Variants in MRS2 observed in about 807,000 individuals in gnomAD.
MRS2 encodes magnesium transporter MRS2 homolog, mitochondrial.
Under a neutral mutation model 52.6 loss-of-function variants are expected in MRS2, and 40 were observed. The ratio of observed to expected loss-of-function variants is 0.76; its 90% CI spans 0.59 to 0.99. The LOEUF is 0.99. MRS2 is among the 50% of genes least tolerant of loss of function. The probability of loss-of-function intolerance (pLI) is 0.00; values close to 1 mark genes in which losing one functional copy is unlikely to be tolerated. For missense variants in MRS2, 472 were observed against 532.7 expected (o/e 0.89, Z 1.12); for synonymous variants, 193 against 195.9 (o/e 0.98, Z 0.13).
chr6:24,421,843 T>C (rs978148913), intron 9 of MRS2, among the ~76,000 whole-genome samples: 2 of 152,104 alleles, frequency 1.3e-5, no homozygotes, highest in Non-Finnish European at 2.9e-5. Flanking sequence ...ACAAAGAAAA[T>C]CTTAGATCAC....
At chr6:24,416,622 A>T (rs1006604002) in intron 7 of MRS2, 109 bp downstream of exon 7, 5 of 715,740 alleles carry the variant, frequency 7.0e-6, no homozygotes, top group Non-Finnish European at 1.2e-5. Flanking sequence ...TGGACTACAG[A>T]ATATAGAGAT....
intron 5 of MRS2, among the ~76,000 whole-genome samples, chr6:24,413,057 C>T (rs908628073): frequency 6.6e-6 from 1 of 152,044 alleles, no homozygotes; most frequent in African/African-American, 2.4e-5. Flanking sequence ...ACACTTCCTG[C>T]TTGGGGTAAT....
At chr6:24,414,971 C>A in intron 5 of MRS2, 62 bp from the exon 6 acceptor site, 1 of 1,412,160 alleles carries the variant, frequency 7.1e-7, no homozygotes, top group Non-Finnish European at 9.6e-7. Context: ...AGAGGATTCA[C>A]TGATCCTGAA....
chr6:24,407,307 G>T (rs1363779984), intron 2 of MRS2, among the ~76,000 whole-genome samples: 1 of 152,072 alleles, frequency 6.6e-6, no homozygotes, highest in Non-Finnish European at 1.5e-5. Context: ...TTCCTTTAAT[G>T]TTCTATGGAA....
Position 24,423,661 on chromosome 6 carries a change from T to G in MRS2, c.1299T>G (p.Leu433=). The G allele has an allele frequency of 1.9e-6, 3 of 1,612,146 alleles. No homozygotes were observed. Among genetic ancestry groups the G allele is most frequent in the Non-Finnish European group, 2.5e-6 (3 of 1,178,474 alleles). The change falls in exon 11 of 11, where the codon CTT becomes CTG. Residue 433 remains leucine, a synonymous_variant. Coordinates refer to ENST00000378386, the MANE Select transcript of MRS2 (RefSeq NM_020662.4). ...AAAATAGCCTCAGACTGGATGGACTTGGATCAGGAAGGAGCATCCTAACAA... is the reference window on the plus strand; with the variant it reads ...AAAATAGCCTCAGACTGGATGGACTGGGATCAGGAAGGAGCATCCTAACAA... ...ELKNSLRLDG[L]GSGRSILTNR
intron 9 of MRS2, among the ~76,000 whole-genome samples, chr6:24,421,385 C>T (rs1405530055): frequency 7.3e-6 from 1 of 137,104 alleles, no homozygotes; most frequent in African/African-American, 2.5e-5. Flanking sequence ...ACAAATTACA[C>T]ATCTTTGTAG....
chr6:24,409,488 A>C lies in MRS2; in HGVS notation c.329A>C (p.Glu110Ala). ...AGGAAGAAAACTGAATTATACCAAG[A>C]GTTAGGTCTTCAAGCCAGAGATTTG... ...FERKKTELYQ[E>A]LGLQARDLRF... Residue 110 changes from glutamate to alanine, a missense_variant, in exon 4 of 11, where the codon GAG becomes GCG. Coordinates refer to ENST00000378386, the MANE Select transcript of MRS2 (RefSeq NM_020662.4). 1 of 1,609,868 alleles carries C rather than the reference A, an allele frequency of 6.2e-7. No individual in the cohort carries two copies. Among genetic ancestry groups the C allele is most frequent in the Non-Finnish European group, 8.5e-7 (1 of 1,177,068 alleles).
At chr6:24,416,256 T>C (rs1253322504) in intron 6 of MRS2, 141 bp from the exon 7 acceptor site, 2 of 164,396 alleles carry the variant, frequency 1.2e-5, no homozygotes, top group Non-Finnish European at 2.4e-5. Flanking sequence ...AATACTCAAC[T>C]TTTTTTTTTT....
intron 2 of MRS2, among the ~76,000 whole-genome samples, chr6:24,407,195 ATATT>A (rs66486175): frequency 0.33 from 50,390 of 151,818 alleles, 9,670 homozygotes; most frequent in Non-Finnish European, 0.45. Context: ...TATGTTACGT[ATATT>A]TATTTTCAAA....
At chr6:24,422,018 G>A (rs143477218) in intron 9 of MRS2, among the ~76,000 whole-genome samples, 1,736 of 151,416 alleles carry the variant, frequency 0.011, 16 homozygotes, top group South Asian at 0.047. Context: ...GCATGGTGCC[G>A]CACACCTGTA....
chr6:24,407,192 C>T (rs915324987), intron 2 of MRS2, among the ~76,000 whole-genome samples: 5 of 131,090 alleles, frequency 3.8e-5, no homozygotes, highest in South Asian at 4.6e-4. Context: ...TTTTATGTTA[C>T]GTATATTTAT....
rs1245460218 is a variant in MRS2, at chr6:24,424,638, C to T, written c.*944C>T. 6.6e-6 allele frequency: 1 copy of T among 152,206 alleles called. No homozygotes were observed. Among genetic ancestry groups the T allele is most frequent in the African/African-American group, 2.4e-5 (1 of 41,450 alleles). The allele number at this position is 152,206 out of a possible 1,614,324, so 9.4% of individuals were successfully genotyped here. ...GCCTGAAAGCTGCCATCCTCTTTAACATCCTACCTACCTTTTAAAATATTT... is the reference window on the plus strand; with the variant it reads ...GCCTGAAAGCTGCCATCCTCTTTAATATCCTACCTACCTTTTAAAATATTT... On this transcript the variant is annotated 3_prime_UTR_variant, in exon 11 of 11. Coordinates refer to ENST00000378386, the MANE Select transcript of MRS2 (RefSeq NM_020662.4).
intron 6 of MRS2, among the ~76,000 whole-genome samples, chr6:24,415,394 T>C (rs376307815): frequency 5.9e-5 from 9 of 152,346 alleles, no homozygotes; most frequent in African/African-American, 2.2e-4. Context: ...TAGTTGATAT[T>C]GTCTTCATTT....
chr6:24,406,158 A>G (rs921680346), intron 2 of MRS2, among the ~76,000 whole-genome samples: 6 of 151,722 alleles, frequency 4.0e-5, no homozygotes, highest in South Asian at 2.1e-4. Context: ...CTAAATTCCA[A>G]TCTCACTCTG....
At chr6:24,410,686 A>G (rs1761619203) in intron 4 of MRS2, 1 of 1,415,494 alleles carries the variant, frequency 7.1e-7, no homozygotes, top group African/African-American at 1.4e-5. Context: ...AAAATACTTT[A>G]TCAAAAATGA....
intron 3 of MRS2, among the ~76,000 whole-genome samples, chr6:24,408,723 G>T (rs559042743): frequency 6.6e-6 from 1 of 151,858 alleles, no homozygotes; most frequent in Non-Finnish European, 1.5e-5. Context: ...TAGAACTGGA[G>T]CCCAGAGACA....
intron 5 of MRS2, among the ~76,000 whole-genome samples, chr6:24,414,580 CTCTT>C (rs1349241574): frequency 3.3e-5 from 5 of 151,454 alleles, no homozygotes; most frequent in Admixed American, 6.6e-5. Flanking sequence ...AATCTGATCT[CTCTT>C]TCTTTTCTCC....
At chr6:24,406,776 A>G (rs1761490483) in intron 2 of MRS2, among the ~76,000 whole-genome samples, 1 of 152,220 alleles carries the variant, frequency 6.6e-6, no homozygotes, top group Admixed American at 6.5e-5. Flanking sequence ...CTCTGTCTCA[A>G]AAAAAGAATA....
intron 3 of MRS2, among the ~76,000 whole-genome samples, 162 bp from the exon 4 acceptor site, chr6:24,409,299 A>G (rs1042952805): frequency 1.3e-5 from 2 of 152,300 alleles, no homozygotes; most frequent in African/African-American, 4.8e-5. Context: ...TAGCCCGAGT[A>G]TGTTTTCTAG....
Sources: gnomAD v4.1 joint callset for allele counts (sites outside exome capture counted in the v4.1 genomes callset) on GRCh38, gnomAD v4.1.1 for gene constraint, MANE v1.5 for transcripts, NCBI Gene and HGNC (gene_info 2026-07-23, HGNC 2026-07-21) for gene names.